UGT1A10: variants seen among roughly 807,000 people sequenced by gnomAD.
The protein encoded by UGT1A10 is UDP glucuronosyltransferase family 1 member A10.
UGT1A10 carries 49 observed loss-of-function variants against 45.8 expected under a neutral mutation model. The ratio of observed to expected loss-of-function variants is 1.07; its 90% CI spans 0.85 to 1.36. The LOEUF is 1.36. Ranked by LOEUF, UGT1A10 falls within the 40% of genes most tolerant of loss-of-function variation. The pLI is 0.00. For missense variants in UGT1A10, 745 were observed against 668.6 expected (o/e 1.11, Z -1.26); for synonymous variants, 284 against 249.7 (o/e 1.14, Z -1.29).
rs45489204 is a variant in UGT1A10 at position 233,712,384 on chromosome 2, G to A, written c.856-54650G>A. 7.4e-3 allele frequency among the ~76,000 whole-genome samples: 1,134 copies of A among 152,260 alleles called. 41 individuals are homozygous for A. Among genetic ancestry groups the A allele is most frequent in the Admixed American group, 0.052 (796 of 15,282 alleles). On this transcript the variant is annotated intron_variant, in intron 1 of 4. Coordinates refer to ENST00000344644, the MANE Select transcript of UGT1A10 (RefSeq NM_019075.4). ...CCCTGCAGCTTTTTTTATATTGACA[G>A]CCACTTCAGAGAGAGTCCTCTTTGA...
chr2:233,675,838 T>C (rs2074337350), intron 1 of UGT1A10, among the ~76,000 whole-genome samples: 1 of 152,184 alleles, frequency 6.6e-6, no homozygotes, highest in Admixed American at 6.5e-5. Flanking sequence ...ACTGAACAAT[T>C]CATTTAATAT....
chr2:233,735,695 G>A (rs1439239319), intron 1 of UGT1A10, among the ~76,000 whole-genome samples: 1 of 151,962 alleles, frequency 6.6e-6, no homozygotes, highest in Non-Finnish European at 1.5e-5. Flanking sequence ...GCTCTTGTAA[G>A]GCAGGCCTGG....
At position 233,688,188 on chromosome 2, in the gene UGT1A10, A is replaced by T. The variant is rs763707557; in HGVS notation, c.855+50811A>T. Among the ~76,000 whole-genome samples the T allele has an allele frequency of 2.6e-5, 4 of 152,176 alleles. No homozygotes were observed. In the South Asian group the frequency reaches 6.2e-4, roughly 24 times the overall value. On this transcript the variant is annotated intron_variant, in intron 1 of 4. Transcript: ENST00000344644. Reference sequence around the variant, plus strand: ...TTTCATGGAAATGGAAGCCTTTATGACCGGCTTCTTTCACTTAGTTTTGTG... The same window carrying T: ...TTTCATGGAAATGGAAGCCTTTATGTCCGGCTTCTTTCACTTAGTTTTGTG...
intron 1 of UGT1A10, chr2:233,682,006 C>A: frequency 6.2e-7 from 1 of 1,614,136 alleles, no homozygotes; most frequent in East Asian, 2.2e-5. Flanking sequence ...GTGGCTTTGC[C>A]AAGGCAGGGA....
At chr2:233,663,477 C>T (rs534009605) in intron 1 of UGT1A10, among the ~76,000 whole-genome samples, 3 of 152,094 alleles carry the variant, frequency 2.0e-5, no homozygotes, top group Non-Finnish European at 4.4e-5. Flanking sequence ...GTTTATTGAT[C>T]TGGGTGGTGC....
chr2:233,770,795 G>A (rs1575855208), intron 4 of UGT1A10: 1 of 152,228 alleles, frequency 6.6e-6, no homozygotes, highest in East Asian at 1.9e-4. Flanking sequence ...TTATAGATAT[G>A]TTTAAAGACA....
intron 1 of UGT1A10, among the ~76,000 whole-genome samples, chr2:233,687,369 G>A (rs1416156591): frequency 6.6e-6 from 1 of 152,032 alleles, no homozygotes; most frequent in African/African-American, 2.4e-5. Context: ...TGTCTCCTTA[G>A]GGAGAATTTG....
chr2:233,726,835 ATT>A (rs1243429736), intron 1 of UGT1A10, among the ~76,000 whole-genome samples: 1 of 152,090 alleles, frequency 6.6e-6, no homozygotes, highest in African/African-American at 2.4e-5. Flanking sequence ...TTTAAATTTA[ATT>A]TTTGTTCCTT....
intron 1 of UGT1A10, chr2:233,672,940 C>T (rs893353525): frequency 1.6e-5 from 23 of 1,396,402 alleles, no homozygotes; most frequent in African/African-American, 2.9e-5. Flanking sequence ...TGCGTGTACT[C>T]GTCAGTAGCA....
chr2:233,681,362 C>T (rs1380468545), intron 1 of UGT1A10, among the ~76,000 whole-genome samples: 2 of 151,664 alleles, frequency 1.3e-5, no homozygotes, highest in Non-Finnish European at 2.9e-5. Flanking sequence ...GGTGAAACCC[C>T]GTCTCCACTA....
At chr2:233,751,369 A>G (rs1694708741) in intron 1 of UGT1A10, among the ~76,000 whole-genome samples, 1 of 152,104 alleles carries the variant, frequency 6.6e-6, no homozygotes, top group South Asian at 2.1e-4. Context: ...TCATGGGGGA[A>G]GGGACTTGCC....
Position 233,636,977 on chromosome 2 carries a change from C to T in UGT1A10, c.455C>T (p.Thr152Ile), listed in dbSNP as rs765048439. ...GCAGTGTTTCTGGATCCTTTTGATA[C>T]CTGTGGCTTAATTGTTGCTAAATAT... ...FDAVFLDPFD[T>I]CGLIVAKYFS... The change falls in exon 1 of 5, where the codon ACC (threonine) becomes ATC (isoleucine). Residue 152 changes from threonine (T) to isoleucine (I), a missense_variant. Thr to Ile is a moderately conservative substitution (Grantham distance 89). Coordinates refer to ENST00000344644, the MANE Select transcript of UGT1A10 (RefSeq NM_019075.4). The T allele has an allele frequency of 2.5e-6, 4 of 1,613,862 alleles. No homozygotes were observed. Among genetic ancestry groups the T allele is most frequent in the East Asian group, 2.2e-5 (1 of 44,892 alleles).
At chr2:233,667,091 A>C (rs2074094886) in intron 1 of UGT1A10, among the ~76,000 whole-genome samples, 1 of 152,138 alleles carries the variant, frequency 6.6e-6, no homozygotes, top group South Asian at 2.1e-4. Context: ...GCTATTGTGA[A>C]TAGTGCTGCA....
chr2:233,683,625 C>T (rs1285866953), intron 1 of UGT1A10, among the ~76,000 whole-genome samples: 1 of 152,056 alleles, frequency 6.6e-6, no homozygotes, highest in Non-Finnish European at 1.5e-5. Flanking sequence ...TGTTTTATTT[C>T]CATAAATAAA....
Position 233,769,261 on chromosome 2 carries a change from C to T in UGT1A10, c.1295+822C>T, listed in dbSNP as rs1242622914. ...ATTTGCTCAAATGTGGCCCTGAAAA[C>T]GATTCAAAGGGCAAATGATTTCTGG... On this transcript the variant is annotated intron_variant, in intron 4 of 4. Coordinates refer to ENST00000344644, the MANE Select transcript of UGT1A10 (RefSeq NM_019075.4). This position sits in a 1 kb window ranked among gnomAD's most constrained non-coding sequence, Gnocchi z 4.4. 1.3e-5 allele frequency among the ~76,000 whole-genome samples: 2 copies of T among 152,124 alleles called. No homozygotes were observed. Among genetic ancestry groups the T allele is most frequent in the African/African-American group, 2.4e-5 (1 of 41,420 alleles).
intron 1 of UGT1A10, among the ~76,000 whole-genome samples, chr2:233,656,343 T>C (rs2073852984): frequency 6.6e-6 from 1 of 152,224 alleles, no homozygotes; most frequent in South Asian, 2.1e-4. Context: ...GTCACTGGTC[T>C]TCTTACCAGG....
rs762827824 is a variant in UGT1A10 at position 233,693,652 on chromosome 2, G to C, written c.855+56275G>C. 1.9e-6 allele frequency: 3 copies of C among 1,614,184 alleles called. No individual in the cohort carries two copies. Among genetic ancestry groups the C allele is most frequent in the Non-Finnish European group, 1.7e-6 (2 of 1,180,030 alleles). On this transcript the variant is annotated intron_variant, in intron 1 of 4. Coordinates refer to ENST00000344644, the MANE Select transcript of UGT1A10 (RefSeq NM_019075.4). Reference sequence around the variant, plus strand: ...GAGTGGCCAACTTCCTTGTTAATTTGTTGGAGCCCTATCTATTTTATTGTC... The same window carrying C: ...GAGTGGCCAACTTCCTTGTTAATTTCTTGGAGCCCTATCTATTTTATTGTC...
At position 233,682,693 on chromosome 2, in the gene UGT1A10, G is replaced by A. The variant is rs17864686; in HGVS notation, c.855+45316G>A. The A allele has an allele frequency of 0.21, 340,870 of 1,613,738 alleles. 37,223 individuals are homozygous for A. Among genetic ancestry groups the A allele is most frequent in the Non-Finnish European group, 0.23 (267,951 of 1,179,798 alleles). Reference sequence around the variant, plus strand: ...TCTACAGCCACACATCAATTTGGTTGTTGCGAACTGACTTTGTTTTGGAGT... The same window carrying A: ...TCTACAGCCACACATCAATTTGGTTATTGCGAACTGACTTTGTTTTGGAGT... On this transcript the variant is annotated intron_variant, in intron 1 of 4. Transcript: ENST00000344644.
intron 1 of UGT1A10, among the ~76,000 whole-genome samples, chr2:233,748,751 T>C (rs1228762220): frequency 1.3e-5 from 2 of 151,458 alleles, no homozygotes; most frequent in Admixed American, 6.6e-5. Flanking sequence ...TCGGAAGGCA[T>C]AGTTTTGGTT....
Sources: allele counts gnomAD v4.1 joint callset (sites outside exome capture counted in the v4.1 genomes callset), GRCh38; gene constraint gnomAD v4.1.1; non-coding constraint Gnocchi (gnomAD v3.1); transcripts MANE v1.5; gene names NCBI Gene and HGNC (gene_info 2026-07-23, HGNC 2026-07-21).